MAU2: variants seen among roughly 807,000 people sequenced by gnomAD.
MAU2 encodes the protein MAU2 chromatid cohesion factor homolog.
A neutral mutation model predicts 89.1 loss-of-function variants in MAU2; 9 were observed. The ratio of observed to expected loss-of-function variants is 0.10; its 90% CI spans 0.06 to 0.18. MAU2 has a LOEUF of 0.18. Among genes scored for constraint, MAU2 ranks in the 10% least tolerant of loss-of-function variants. MAU2 has a pLI of 1.00. For synonymous variants in MAU2, 357 were observed against 343.4 expected (o/e 1.04, Z -0.44); for missense variants, 425 against 803.5 (o/e 0.53, Z 5.69).
Position 19,342,619 on chromosome 19 carries a change from A to G in MAU2, c.820A>G (p.Ser274Gly), listed in dbSNP as rs1315540278. Residue 274 changes from serine to glycine, a missense_variant, in exon 8 of 19, where the codon AGC becomes GGC. Physicochemically the swap from Ser to Gly is moderately conservative, Grantham distance 56. Around this residue, in one of 11 missense-constraint regions of MAU2, gnomAD observed 119 missense variants for 299.8 expected, o/e 0.40. Coordinates refer to ENST00000262815, the MANE Select transcript of MAU2 (RefSeq NM_015329.4). ...STLHDDEILP[S>G]NPADLFHWLP... ...ACTGCACGATGATGAGATCCTGCCC[A>G]GCAACCCCGCTGACCTCTTCCACTG... The G allele has an allele frequency of 6.2e-7, 1 of 1,613,378 alleles. No homozygotes were observed. Among genetic ancestry groups the G allele is most frequent in the Non-Finnish European group, 8.5e-7 (1 of 1,179,608 alleles).
intron 12 of MAU2, among the ~76,000 whole-genome samples, chr19:19,346,240 C>T (rs1291020834): frequency 1.3e-5 from 2 of 152,136 alleles, no homozygotes; most frequent in African/African-American, 4.8e-5. Flanking sequence ...CTCCTCACCT[C>T]GCTCCCAGGA....
Position 19,355,397 on chromosome 19 carries a change from G to A in MAU2, c.1767+6G>A, listed in dbSNP as rs757431365. The stretch of plus-strand genomic sequence containing the variant: ...CCGAACACAACCTCATCACGGTACG[G>A]GTGTGGGTGTTAGGGGACGGGATCA... On this transcript the variant is annotated splice_donor_region_variant and intron_variant, in intron 18 of 18. Transcript: ENST00000262815. 1 of 1,613,772 alleles carries A rather than the reference G, an allele frequency of 6.2e-7. No homozygotes were observed. Among genetic ancestry groups the A allele is most frequent in the South Asian group, 1.1e-5 (1 of 91,090 alleles).
rs1006130548 is a variant in MAU2, at chr19:19,337,262, C to A, written c.453C>A (p.Leu151=). ...PYWHCRLLFQ[L]AQLHTLEKDL... ...GGCACTGCCGCCTGCTCTTCCAGCT[C>A]GCTGTGAGTACCGCGGCCCGGGAAC... The change falls in exon 4 of 19, where the codon CTC becomes CTA. Residue 151 remains leucine, a synonymous_variant. Transcript: ENST00000262815. The A allele has an allele frequency of 1.2e-6, 2 of 1,613,132 alleles. No individual in the cohort carries two copies. The highest frequency in any genetic ancestry group is 3.3e-5 in the Admixed American group (2 of 59,984).
chr19:19,345,843 T>C lies in MAU2; in HGVS notation c.1221+474T>C, dbSNP rs2061688731. Among the ~76,000 whole-genome samples the C allele has an allele frequency of 6.6e-6, 1 of 152,130 alleles. No homozygotes were observed. Among genetic ancestry groups the C allele is most frequent in the African/African-American group, 2.4e-5 (1 of 41,426 alleles). ...AAGCAGCACCCCAGGCTCCTGGCCT[T>C]AGACGGGGGCCCCGCCAGGCCCTGG... is the stretch of plus-strand genomic sequence containing the variant. On this transcript the variant is annotated intron_variant, in intron 12 of 18. Coordinates refer to ENST00000262815, the MANE Select transcript of MAU2 (RefSeq NM_015329.4). The surrounding 1 kb of genome is among the most constrained non-coding windows in gnomAD (Gnocchi z 4.9).
rs1218163817 is a variant in MAU2, at chr19:19,345,606, G to A, written c.1221+237G>A. ...AGCTGACCCAAGGGCAGACGTGAGG[G>A]AGAGGTGCGACGCGTCCGGGGACAC... On this transcript the variant is annotated intron_variant, in intron 12 of 18. Transcript: ENST00000262815. The surrounding 1 kb of genome is among the most constrained non-coding windows in gnomAD (Gnocchi z 4.9). Among the ~76,000 whole-genome samples the A allele has an allele frequency of 6.6e-6, 1 of 152,232 alleles. No homozygotes were observed. The highest frequency in any genetic ancestry group is 6.5e-5 in the Admixed American group (1 of 15,288).
intron 17 of MAU2, 169 bp from the exon 18 acceptor site, chr19:19,355,095 G>T: frequency 1.2e-6 from 1 of 830,844 alleles, no homozygotes; most frequent in Non-Finnish European, 1.9e-6. Context: ...GGCGGCTGGC[G>T]CATGGGCTTT....
At chr19:19,354,734 T>C (rs1412204890) in intron 17 of MAU2, 2 of 469,590 alleles carry the variant, frequency 4.3e-6, no homozygotes, top group East Asian at 3.7e-5. Flanking sequence ...TCAGCCTTGC[T>C]TCTTCCCGGA....
rs182614179 is a variant in MAU2 at position 19,348,792 on chromosome 19, C to T, written c.1309-97C>T. 1.4e-4 allele frequency: 193 copies of T among 1,335,680 alleles called. 1 individual carries two copies. The Admixed American group carries it at 3.0e-3, about 21-fold the overall frequency. 82.7% of individuals were successfully genotyped at this position (1,335,680 alleles called of 1,614,324 possible). A position where few individuals can be genotyped will look rare whatever the true frequency, so the allele number is the denominator to read the frequency against. ...CTCAGCCTGGAGGCCACAGTCCCGACGGGGGTGTAGAGAAATTCCCATGCA... is the reference window on the plus strand; with the variant it reads ...CTCAGCCTGGAGGCCACAGTCCCGATGGGGGTGTAGAGAAATTCCCATGCA... On this transcript the variant is annotated intron_variant, in intron 13 of 18. Transcript: ENST00000262815.
chr19:19,355,235 G>A (rs758802005), intron 17 of MAU2, 29 bp from the exon 18 acceptor site: 23 of 1,612,920 alleles, frequency 1.4e-5, no homozygotes, highest in East Asian at 6.7e-5. Context: ...AGGGCAAGGC[G>A]GGCCCCCATG....
intron 1 of MAU2, chr19:19,321,383 C>T (rs376794730): frequency 2.1e-6 from 1 of 465,412 alleles, no homozygotes; most frequent in East Asian, 3.8e-5. Context: ...AGCCCCGTCA[C>T]CGTACTCTGA....
chr19:19,335,887 C>A, intron 2 of MAU2, 152 bp downstream of exon 2: 1 of 913,340 alleles, frequency 1.1e-6, no homozygotes, highest in Non-Finnish European at 1.8e-6. Context: ...TGGCCCTCTG[C>A]TGCCCTTGGG....
In MAU2 at chr19:19,349,023, G is replaced by A. The variant is rs2061719478; in HGVS notation, c.1358+85G>A. The A allele has an allele frequency of 2.6e-6, 4 of 1,564,546 alleles. No homozygotes were observed. In the South Asian group the frequency reaches 3.4e-5, roughly 13 times the overall value. ...GGCCCCTGACTGCCCCTTGCACCCT[G>A]ACACCCCATACCCCTCCTCACAGAC... On this transcript the variant is annotated intron_variant, in intron 14 of 18. Coordinates refer to ENST00000262815, the MANE Select transcript of MAU2 (RefSeq NM_015329.4).
At chr19:19,331,387 A>C (rs1326965177) in intron 1 of MAU2, among the ~76,000 whole-genome samples, 3 of 151,964 alleles carry the variant, frequency 2.0e-5, no homozygotes, top group Non-Finnish European at 4.4e-5. Flanking sequence ...CTGTAGTCCC[A>C]GCTACTCAGG....
chr19:19,330,125 A>G (rs1205766733), intron 1 of MAU2, among the ~76,000 whole-genome samples: 3 of 151,742 alleles, frequency 2.0e-5, no homozygotes, highest in Non-Finnish European at 4.4e-5. Flanking sequence ...TGTGACAGGC[A>G]CACACCACCA....
Position 19,344,864 on chromosome 19 carries a change from C to G in MAU2, c.1093C>G (p.Gln365Glu). The part of the protein sequence containing the change: ...TALQEISQVC[Q>E]LCQQSPRLFS... ...CTCCCGGCAGATCTCCCAGGTCTGC[C>G]AGCTGTGCCAGCAGTCCCCCCGGCT... The change falls in exon 11 of 19, where the codon CAG (glutamine) becomes GAG (glutamate). Residue 365 changes from glutamine to glutamate, a missense_variant. Coordinates refer to ENST00000262815, the MANE Select transcript of MAU2 (RefSeq NM_015329.4). 1 of 1,613,724 alleles carries G rather than the reference C, an allele frequency of 6.2e-7. No homozygotes were observed. Among genetic ancestry groups the G allele is most frequent in the Admixed American group, 1.7e-5 (1 of 60,008 alleles).
intron 1 of MAU2, among the ~76,000 whole-genome samples, chr19:19,335,074 T>C (rs750127993): frequency 3.9e-5 from 6 of 152,232 alleles, no homozygotes; most frequent in Non-Finnish European, 7.3e-5. Context: ...CATGGAACTT[T>C]AGGGCACAGT....
chr19:19,322,921 G>A (rs1160166564), intron 1 of MAU2, among the ~76,000 whole-genome samples: 1 of 151,874 alleles, frequency 6.6e-6, no homozygotes, highest in Non-Finnish European at 1.5e-5. Context: ...ACGGAGTTTC[G>A]CTCTTGTTGC....
chr19:19,347,448 G>A, intron 13 of MAU2, 82 bp downstream of exon 13: 2 of 1,070,620 alleles, frequency 1.9e-6, no homozygotes. Flanking sequence ...CTGGGCACCA[G>A]CACATCTCAG....
At chr19:19,327,984 C>T (rs2061524743) in intron 1 of MAU2, among the ~76,000 whole-genome samples, 1 of 151,880 alleles carries the variant, frequency 6.6e-6, no homozygotes, top group South Asian at 2.1e-4. Context: ...CTGGGCACTA[C>T]CCTGTCTCTA....
Sources: allele counts gnomAD v4.1 joint callset (sites outside exome capture counted in the v4.1 genomes callset), GRCh38; gene constraint gnomAD v4.1.1; regional missense constraint gnomAD v4.1.1; non-coding constraint Gnocchi (gnomAD v3.1); transcripts MANE v1.5; gene names NCBI Gene and HGNC (gene_info 2026-07-23, HGNC 2026-07-21).